SHISA3: variants seen among roughly 807,000 people sequenced by gnomAD.
SHISA3 encodes the protein shisa family member 3.
A neutral mutation model predicts 19.2 loss-of-function variants in SHISA3; 15 were observed. The observed-to-expected ratio is 0.78, with a 90% CI of 0.52 to 1.20. The LOEUF (loss-of-function observed/expected upper bound fraction) is 1.20. Ranked by LOEUF, SHISA3 falls within the 50% of genes most tolerant of loss-of-function variation. SHISA3 has a pLI of 0.00. For synonymous variants in SHISA3, 145 were observed against 135.2 expected (o/e 1.07, Z -0.50); for missense variants, 327 against 315.7 (o/e 1.04, Z -0.27).
At position 42,401,261 on chromosome 4, in the gene SHISA3, G is replaced by A; in HGVS notation, c.527G>A (p.Arg176His). Reference sequence around the variant, plus strand: ...TCCAGCTCCACAGGCGGCTCCATCCGCAGGTTCTCCTTTGCCAGGGCTGAG... The same window carrying A: ...TCCAGCTCCACAGGCGGCTCCATCCACAGGTTCTCCTTTGCCAGGGCTGAG... ...TSSSSTGGSIRRFSFARAEPG... is the reference protein window; with the variant it reads ...TSSSSTGGSIHRFSFARAEPG... The change falls in exon 2 of 2, where the codon CGC becomes CAC. Residue 176 changes from arginine (R) to histidine (H), a missense_variant. By Grantham distance (29) the Arg-to-His change is conservative. Transcript: ENST00000319234. The A allele has an allele frequency of 6.2e-7, 1 of 1,614,108 alleles. No homozygotes were observed. Among genetic ancestry groups the A allele is most frequent in the Non-Finnish European group, 8.5e-7 (1 of 1,180,002 alleles).
At chr4:42,400,951 G>A (rs893531401) in intron 1 of SHISA3, 61 bp from the exon 2 acceptor site, 1 of 1,543,944 alleles carries the variant, frequency 6.5e-7, no homozygotes, top group African/African-American at 1.4e-5. Flanking sequence ...TGCCCAAGCA[G>A]AGTTCAGAAT....
At chr4:42,400,109 GCTTT>G in intron 1 of SHISA3, among the ~76,000 whole-genome samples, 1 of 152,284 alleles carries the variant, frequency 6.6e-6, no homozygotes, top group East Asian at 1.9e-4. Flanking sequence ...GTCAATGCAG[GCTTT>G]CTTTCTTCTA....
At position 42,398,195 on chromosome 4, in the gene SHISA3, G is replaced by A. The variant is rs1711801597; in HGVS notation, c.139G>A (p.Asp47Asn). The change falls in exon 1 of 2, where the codon GAC becomes AAC. Residue 47 changes from aspartate (D) to asparagine (N), a missense_variant. Asp to Asn is a conservative substitution (Grantham distance 23). Coordinates refer to ENST00000319234, the MANE Select transcript of SHISA3 (RefSeq NM_001080505.3). ...CCACGAGGGCTTCCAGTGCCCAGAG[G>A]ACTTCGACACGCTGGACGCTACCAT... Reference protein sequence around the residue: ...NYHEGFQCPEDFDTLDATICC... With the variant: ...NYHEGFQCPENFDTLDATICC... 4.4e-6 allele frequency: 7 copies of A among 1,605,240 alleles called. No homozygotes were observed. Among genetic ancestry groups the A allele is most frequent in the African/African-American group, 1.3e-5 (1 of 74,698 alleles).
chr4:42,401,912 CTT>C lies in SHISA3; in HGVS notation c.*462_*463del, dbSNP rs1156756593. 6.5e-6 allele frequency: 1 copy of C among 153,554 alleles called. No homozygotes were observed. The highest frequency in any genetic ancestry group is 1.4e-5 in the Non-Finnish European group (1 of 69,186). 9.5% of individuals were successfully genotyped at this position (153,554 alleles called of 1,614,324 possible). On this transcript the variant is annotated 3_prime_UTR_variant, in exon 2 of 2. Transcript: ENST00000319234. The stretch of plus-strand genomic sequence containing the variant: ...CTTAAAAAATTAACTATTAGGTAAA[CTT>C]AAGGGGGCAGTGAAAAATCTATTTA...
rs1330290536 is a variant in SHISA3, at chr4:42,401,596, A to C, written c.*145A>C. ...ATGCTAGGAAAACACAGCACCTTCT[A>C]ATTTGAAAGTTCCTGTCTCCAATCA... On this transcript the variant is annotated 3_prime_UTR_variant, in exon 2 of 2. Transcript: ENST00000319234. 9.6e-6 allele frequency: 8 copies of C among 829,150 alleles called. No individual in the cohort carries two copies. Among genetic ancestry groups the C allele is most frequent in the East Asian group, 8.2e-5 (3 of 36,488 alleles). The allele number at this position is 829,150 out of a possible 1,614,324, so 51.4% of individuals were successfully genotyped here. A position where few individuals can be genotyped will look rare whatever the true frequency, so the allele number is the denominator to read the frequency against.
At chr4:42,399,713 G>A (rs1711852750) in intron 1 of SHISA3, among the ~76,000 whole-genome samples, 1 of 152,260 alleles carries the variant, frequency 6.6e-6, no homozygotes, top group Admixed American at 6.5e-5. Context: ...ACTTGGGCAA[G>A]TTACTTAACT....
intron 1 of SHISA3, among the ~76,000 whole-genome samples, chr4:42,399,240 G>A (rs899808078): frequency 6.6e-6 from 1 of 152,124 alleles, no homozygotes. Context: ...TCTGGAGCCC[G>A]CAAGAGAAGG....
chr4:42,400,945 C>G (rs1490386800), intron 1 of SHISA3, 67 bp from the exon 2 acceptor site: 14 of 1,528,838 alleles, frequency 9.2e-6, no homozygotes, highest in African/African-American at 1.4e-5. Flanking sequence ...CTCAGCTGCC[C>G]AAGCAGAGTT....
At chr4:42,398,354 G>A (rs1297443514) in intron 1 of SHISA3, 21 bp downstream of exon 1, 2 of 1,516,250 alleles carry the variant, frequency 1.3e-6, no homozygotes, top group Non-Finnish European at 1.8e-6. Context: ...GGCCCTCGGG[G>A]ACATATCCCC....
chr4:42,400,546 G>T (rs1422495379), intron 1 of SHISA3, among the ~76,000 whole-genome samples: 2 of 152,052 alleles, frequency 1.3e-5, no homozygotes, highest in Admixed American at 1.3e-4. Context: ...CATTTAATAG[G>T]CCTGGCTCCC....
intron 1 of SHISA3, among the ~76,000 whole-genome samples, chr4:42,399,446 T>C (rs1011814549): frequency 1.3e-5 from 2 of 152,144 alleles, no homozygotes; most frequent in African/African-American, 2.4e-5. Flanking sequence ...CAGCGGAAAG[T>C]AGGGAAATCT....
rs566425554 is a variant in SHISA3 at position 42,398,873 on chromosome 4, T to C, written c.277+540T>C. On this transcript the variant is annotated intron_variant, in intron 1 of 1. Coordinates refer to ENST00000319234, the MANE Select transcript of SHISA3 (RefSeq NM_001080505.3). ...GCGTTTCTAAGCCACGGCCCCGTTCTGCAGACTTCCTTTCAATTCTCTGCA... is the reference window on the plus strand; with the variant it reads ...GCGTTTCTAAGCCACGGCCCCGTTCCGCAGACTTCCTTTCAATTCTCTGCA... Among the ~76,000 whole-genome samples the C allele has an allele frequency of 2.2e-4, 33 of 152,278 alleles. No homozygotes were observed. The South Asian group carries it at 2.9e-3, about 13-fold the overall frequency.
At chr4:42,400,913 C>T in intron 1 of SHISA3, 99 bp from the exon 2 acceptor site, 2 of 1,223,412 alleles carry the variant, frequency 1.6e-6, no homozygotes, top group Non-Finnish European at 2.3e-6. Context: ...GTGATAGTAA[C>T]TGAGTCTCCC....
Position 42,401,627 on chromosome 4 carries a change from AG to A in SHISA3, c.*178del, listed in dbSNP as rs1337806352. 1.6e-6 allele frequency: 1 copy of A among 630,630 alleles called. No homozygotes were observed. The highest frequency in any genetic ancestry group is 2.8e-5 in the East Asian group (1 of 35,110). The allele number at this position is 630,630 out of a possible 1,614,324, so 39.1% of individuals were successfully genotyped here. ...AAAGTTCCTGTCTCCAATCACAGAA[AG>A]GCTAAACCAGAGAACTGTTTTCTGG... is the stretch of plus-strand genomic sequence containing the variant. On this transcript the variant is annotated 3_prime_UTR_variant, in exon 2 of 2. Coordinates refer to ENST00000319234, the MANE Select transcript of SHISA3 (RefSeq NM_001080505.3).
rs1711939760 is a variant in SHISA3, at chr4:42,402,077, G to C, written c.*626G>C. ...TCAATAATCACATGAGGAGTTTAAA[G>C]TTTTAAATATATACTCAGACATTCA... On this transcript the variant is annotated 3_prime_UTR_variant, in exon 2 of 2. Coordinates refer to ENST00000319234, the MANE Select transcript of SHISA3 (RefSeq NM_001080505.3). 1 of 152,140 alleles carries C rather than the reference G, an allele frequency of 6.6e-6. No individual in the cohort carries two copies. 9.4% of individuals were successfully genotyped at this position (152,140 alleles called of 1,614,324 possible).
chr4:42,401,554 C>A lies in SHISA3; in HGVS notation c.*103C>A. 7.9e-7 allele frequency: 1 copy of A among 1,262,346 alleles called. No homozygotes were observed. Among genetic ancestry groups the A allele is most frequent in the South Asian group, 1.5e-5 (1 of 66,934 alleles). The allele number at this position is 1,262,346 out of a possible 1,614,324, so 78.2% of individuals were successfully genotyped here. ...TGAGAAAATTTCCCTTGTAACTGAT[C>A]AGTGTCATGGAGGAGCATGCTAGGA... On this transcript the variant is annotated 3_prime_UTR_variant, in exon 2 of 2. Transcript: ENST00000319234.
intron 1 of SHISA3, among the ~76,000 whole-genome samples, chr4:42,400,114 C>G (rs1307381777): frequency 6.6e-6 from 1 of 152,222 alleles, no homozygotes; most frequent in Non-Finnish European, 1.5e-5. Flanking sequence ...TGCAGGCTTT[C>G]TTTCTTCTAC....
intron 1 of SHISA3, among the ~76,000 whole-genome samples, chr4:42,398,950 C>T (rs1164806812): frequency 2.0e-5 from 3 of 152,144 alleles, no homozygotes; most frequent in African/African-American, 4.8e-5. Flanking sequence ...TCAGAAATGC[C>T]CAGGTCTTCG....
Position 42,402,389 on chromosome 4 carries a change from C to T in SHISA3, c.*938C>T, listed in dbSNP as rs1358670215. On this transcript the variant is annotated 3_prime_UTR_variant, in exon 2 of 2. Coordinates refer to ENST00000319234, the MANE Select transcript of SHISA3 (RefSeq NM_001080505.3). ...TATAATCATCTAATATTATATATAT[C>T]TCCAGTGCCCCTGAATTTTATGTTT... The T allele has an allele frequency of 2.0e-5, 3 of 152,010 alleles. No homozygotes were observed. Among genetic ancestry groups the T allele is most frequent in the South Asian group, 2.1e-4 (1 of 4,814 alleles). The allele number at this position is 152,010 out of a possible 1,614,324, so 9.4% of individuals were successfully genotyped here. A position where few individuals can be genotyped will look rare whatever the true frequency, so the allele number is the denominator to read the frequency against.
Sources: gnomAD v4.1 joint callset for allele counts (sites outside exome capture counted in the v4.1 genomes callset) on GRCh38, gnomAD v4.1.1 for gene constraint, MANE v1.5 for transcripts, NCBI Gene and HGNC (gene_info 2026-07-23, HGNC 2026-07-21) for gene names.